The following AGMO variants were observed in gnomAD, a reference collection of about 807,000 sequenced individuals.
The protein encoded by AGMO is glyceryl-ether monooxygenase.
Under a neutral mutation model 60.2 loss-of-function variants are expected in AGMO, and 75 were observed. The observed-to-expected ratio is 1.25, with a 90% CI of 1.03 to 1.51. AGMO has a LOEUF of 1.51. AGMO is among the 40% of genes most tolerant of loss of function. AGMO has a pLI of 0.00. For missense variants in AGMO, 763 were observed against 525.5 expected (o/e 1.45, Z -4.42); for synonymous variants, 261 against 177.1 (o/e 1.47, Z -3.76).
chr7:15,141,942 C>CA, the AGMO span, among the ~76,000 whole-genome samples: 36 of 152,300 alleles, frequency 2.4e-4, no homozygotes, highest in East Asian at 6.9e-3. Flanking sequence ...AAGGTCACTT[C>CA]AGCCAGCATT....
At chr7:15,506,805 G>C (rs1436340798) in intron 3 of AGMO, among the ~76,000 whole-genome samples, 1 of 151,880 alleles carries the variant, frequency 6.6e-6, no homozygotes, top group Admixed American at 6.6e-5. Context: ...TACACACACA[G>C]ACACACAGAG....
the AGMO span, among the ~76,000 whole-genome samples, chr7:15,185,312 A>C: frequency 9.2e-5 from 14 of 152,182 alleles, no homozygotes; most frequent in Non-Finnish European, 1.8e-4. Flanking sequence ...AATCTAAGGT[A>C]CTTGTTTTAC....
intron 12 of AGMO, among the ~76,000 whole-genome samples, chr7:15,211,757 A>T (rs528801151): frequency 3.4e-4 from 52 of 152,192 alleles, no homozygotes; most frequent in African/African-American, 1.2e-3. Flanking sequence ...GTCCAAAATA[A>T]TTATTTTTAT....
intron 10 of AGMO, among the ~76,000 whole-genome samples, chr7:15,370,961 C>T (rs1318096071): frequency 1.3e-5 from 2 of 151,892 alleles, no homozygotes; most frequent in Admixed American, 1.3e-4. Context: ...TAAATTATTT[C>T]CCTAGGCCAA....
chr7:15,322,530 A>ATG (rs1563086176), intron 12 of AGMO, among the ~76,000 whole-genome samples: 23 of 87,238 alleles, frequency 2.6e-4, no homozygotes, highest in African/African-American at 1.3e-3. Flanking sequence ...ATATATAAAT[A>ATG]TATAAATATA....
At chr7:15,324,759 A>C (rs1781284158) in intron 12 of AGMO, among the ~76,000 whole-genome samples, 2 of 152,106 alleles carry the variant, frequency 1.3e-5, no homozygotes, top group Admixed American at 6.6e-5. Flanking sequence ...GGACTGCGCA[A>C]TCTAGATCCC....
intron 12 of AGMO, among the ~76,000 whole-genome samples, chr7:15,344,158 C>A (rs540149949): frequency 2.6e-5 from 4 of 151,936 alleles, no homozygotes; most frequent in Non-Finnish European, 4.4e-5. Flanking sequence ...AACTGATATA[C>A]CTGAAGCATC....
intron 12 of AGMO, among the ~76,000 whole-genome samples, chr7:15,343,592 A>G (rs1045928881): frequency 2.6e-5 from 4 of 152,182 alleles, no homozygotes; most frequent in Admixed American, 1.3e-4. Flanking sequence ...AAATTACAAG[A>G]GTAACATCAA....
At chr7:15,408,890 G>C (rs982966668) in intron 5 of AGMO, among the ~76,000 whole-genome samples, 2 of 151,836 alleles carry the variant, frequency 1.3e-5, no homozygotes, top group African/African-American at 4.8e-5. Context: ...TTCTTAACAG[G>C]GGAAACATTT....
At chr7:15,516,641 A>G (rs1043828284) in intron 3 of AGMO, among the ~76,000 whole-genome samples, 1 of 152,164 alleles carries the variant, frequency 6.6e-6, no homozygotes, top group Non-Finnish European at 1.5e-5. Context: ...AACCTTATAC[A>G]TCTGTTGAGC....
At chr7:15,375,683 A>G (rs1262892396) in intron 10 of AGMO, among the ~76,000 whole-genome samples, 1 of 152,158 alleles carries the variant, frequency 6.6e-6, no homozygotes, top group Non-Finnish European at 1.5e-5. Context: ...GGCGTAAGCC[A>G]CTGTGCCCAG....
chr7:15,384,221 G>C (rs1413382622), intron 10 of AGMO, among the ~76,000 whole-genome samples: 7 of 152,194 alleles, frequency 4.6e-5, no homozygotes. Flanking sequence ...ACAGGCATGA[G>C]CCACCACGCC....
intron 3 of AGMO, among the ~76,000 whole-genome samples, chr7:15,482,638 G>C (rs1334128367): frequency 6.6e-6 from 1 of 152,100 alleles, no homozygotes; most frequent in Admixed American, 6.5e-5. Context: ...TGTCATCTCT[G>C]TGCTGATACT....
intron 3 of AGMO, among the ~76,000 whole-genome samples, chr7:15,494,992 A>G (rs1307869894): frequency 1.3e-5 from 2 of 152,250 alleles, no homozygotes; most frequent in Non-Finnish European, 2.9e-5. Context: ...TTGTAAATAA[A>G]TACTGATGAA....
the AGMO span, among the ~76,000 whole-genome samples, chr7:15,156,782 G>C: frequency 6.6e-6 from 1 of 152,060 alleles, no homozygotes; most frequent in Non-Finnish European, 1.5e-5. Context: ...GATCTGTTTG[G>C]AGTGCACCAA....
chr7:15,481,671 A>G (rs528783392), intron 3 of AGMO, among the ~76,000 whole-genome samples: 73 of 152,222 alleles, frequency 4.8e-4, no homozygotes, highest in Non-Finnish European at 8.8e-4. Flanking sequence ...AAGCAGGCAA[A>G]ATACTTAATG....
intron 12 of AGMO, among the ~76,000 whole-genome samples, chr7:15,308,154 T>G (rs1263872944): frequency 2.0e-5 from 3 of 152,152 alleles, no homozygotes. Context: ...AAAGTATGTC[T>G]GTTCTAATTT....
intron 4 of AGMO, among the ~76,000 whole-genome samples, chr7:15,429,813 T>C (rs1781176376): frequency 6.6e-6 from 1 of 152,058 alleles, no homozygotes; most frequent in South Asian, 2.1e-4. Flanking sequence ...CTTGGCTTTA[T>C]CATTTACTAG....
chr7:15,173,033 C>A, the AGMO span, among the ~76,000 whole-genome samples: 1 of 152,220 alleles, frequency 6.6e-6, no homozygotes, highest in East Asian at 1.9e-4. Flanking sequence ...TTTATAGCTT[C>A]TTTTCCTCTA....
Sources: gnomAD v4.1 joint callset for allele counts (sites outside exome capture counted in the v4.1 genomes callset) on GRCh38, gnomAD v4.1.1 for gene constraint, MANE v1.5 for transcripts, NCBI Gene and HGNC (gene_info 2026-07-23, HGNC 2026-07-21) for gene names.